The following LANCL2 variants were observed in gnomAD, a reference collection of about 807,000 sequenced individuals.
The protein encoded by LANCL2 is lanC-like protein 2.
A neutral mutation model predicts 56.9 loss-of-function variants in LANCL2; 33 were observed. The ratio of observed to expected loss-of-function variants is 0.58; its 90% CI spans 0.44 to 0.78. The LOEUF (loss-of-function observed/expected upper bound fraction) is 0.78. Among genes scored for constraint, LANCL2 ranks in the 30% least tolerant of loss-of-function variants. The pLI is 0.00. For missense variants in LANCL2, 562 were observed against 580.2 expected (o/e 0.97, Z 0.32); for synonymous variants, 233 against 228.2 (o/e 1.02, Z -0.19).
Position 55,366,165 on chromosome 7 carries a change from C to G in LANCL2, c.140C>G (p.Thr47Arg), listed in dbSNP as rs1364720141. 6.4e-6 allele frequency: 10 copies of G among 1,560,396 alleles called. No individual in the cohort carries two copies. Among genetic ancestry groups the G allele is most frequent in the Non-Finnish European group, 7.8e-6 (9 of 1,151,740 alleles). The change falls in exon 1 of 9, where the codon ACA becomes AGA. Residue 47 changes from threonine (T) to arginine (R), a missense_variant. Coordinates refer to ENST00000254770, the MANE Select transcript of LANCL2 (RefSeq NM_018697.4). ...ALLASGAAEE[T>R]GCVRPPATTD... ...CTCGCCTCCGGAGCGGCCGAAGAGACAGGCTGTGTTCGTCCCCCGGCGACC... is the reference window on the plus strand; with the variant it reads ...CTCGCCTCCGGAGCGGCCGAAGAGAGAGGCTGTGTTCGTCCCCCGGCGACC...
At chr7:55,388,975 G>C (rs1790156479) in intron 1 of LANCL2, among the ~76,000 whole-genome samples, 1 of 152,218 alleles carries the variant, frequency 6.6e-6, no homozygotes, top group African/African-American at 2.4e-5. Flanking sequence ...GGGAAACCTG[G>C]AGGGGGCTGG....
intron 6 of LANCL2, among the ~76,000 whole-genome samples, chr7:55,416,427 C>G (rs890293455): frequency 2.6e-5 from 4 of 152,082 alleles, no homozygotes; most frequent in African/African-American, 9.7e-5. Flanking sequence ...CTGGGGACTA[C>G]AGGCACGTGC....
intron 1 of LANCL2, among the ~76,000 whole-genome samples, chr7:55,373,162 C>G (rs1228926569): frequency 1.3e-5 from 2 of 152,084 alleles, no homozygotes; most frequent in Non-Finnish European, 2.9e-5. Context: ...TCATGATTAC[C>G]AAGGGCTTAC....
intron 2 of LANCL2, among the ~76,000 whole-genome samples, chr7:55,396,702 T>C (rs1790257563): frequency 1.2e-5 from 1 of 80,588 alleles, no homozygotes; most frequent in African/African-American, 5.0e-5. Context: ...CGACAAAGCA[T>C]GATGACCTTT....
chr7:55,428,805 T>C (rs996943087), intron 8 of LANCL2, among the ~76,000 whole-genome samples: 1 of 151,980 alleles, frequency 6.6e-6, no homozygotes, highest in Non-Finnish European at 1.5e-5. Context: ...ATTACTTAAA[T>C]ATATTTAATA....
At chr7:55,407,381 CT>C (rs1477963586) in intron 5 of LANCL2, among the ~76,000 whole-genome samples, 6 of 152,308 alleles carry the variant, frequency 3.9e-5, no homozygotes, top group African/African-American at 1.4e-4. Flanking sequence ...CTTGAAGTCA[CT>C]TTTCCGAAGA....
In LANCL2 at chr7:55,401,071, CCTCT is replaced by C. The variant is rs893514976; in HGVS notation, c.679-96_679-93del. ...AAAGACTTTTAGATTAAGGCTTCTG[CCTCT>C]CTCTCTATATATGTCATATATATAT... On this transcript the variant is annotated intron_variant, in intron 4 of 8. Coordinates refer to ENST00000254770, the MANE Select transcript of LANCL2 (RefSeq NM_018697.4). 29 of 821,120 alleles carry C rather than the reference CCTCT, an allele frequency of 3.5e-5. No individual in the cohort carries two copies. In the South Asian group the frequency reaches 5.5e-4, roughly 16 times the overall value. 50.9% of individuals were successfully genotyped at this position (821,120 alleles called of 1,614,324 possible).
intron 6 of LANCL2, among the ~76,000 whole-genome samples, chr7:55,414,568 T>C (rs759843849): frequency 2.0e-5 from 3 of 152,198 alleles, no homozygotes; most frequent in Non-Finnish European, 4.4e-5. Flanking sequence ...CAAAATTTAT[T>C]TTCCCTCCCT....
chr7:55,414,983 C>CAAAAAAAAAAA (rs372708498), intron 6 of LANCL2, among the ~76,000 whole-genome samples: 1 of 62,172 alleles, frequency 1.6e-5, no homozygotes, highest in Admixed American at 2.5e-4. Flanking sequence ...GACCCTACCT[C>CAAAAAAAAAAA]AAAAAAAAAA....
At chr7:55,391,253 C>T (rs566352852) in intron 1 of LANCL2, among the ~76,000 whole-genome samples, 32 of 151,994 alleles carry the variant, frequency 2.1e-4, no homozygotes, top group African/African-American at 7.7e-4. Flanking sequence ...CTCCTGACCT[C>T]GTGATCCGCC....
intron 5 of LANCL2, among the ~76,000 whole-genome samples, chr7:55,403,116 G>A (rs577036946): frequency 3.3e-4 from 51 of 152,308 alleles, no homozygotes; most frequent in Middle Eastern, 3.4e-3. Context: ...GTAGCGAGCC[G>A]AGATCACGCC....
At chr7:55,431,149 AG>A in intron 8 of LANCL2, 76 bp from the exon 9 acceptor site, 1 of 1,027,438 alleles carries the variant, frequency 9.7e-7, no homozygotes, top group East Asian at 2.6e-5. Context: ...GCCCCTGGTA[AG>A]GGAAATGATT....
At chr7:55,430,784 T>C (rs987431450) in intron 8 of LANCL2, among the ~76,000 whole-genome samples, 9 of 152,206 alleles carry the variant, frequency 5.9e-5, no homozygotes, top group African/African-American at 2.2e-4. Context: ...CACTGCTCAA[T>C]TACTGCAATG....
At chr7:55,411,273 A>T (rs1243020493) in intron 5 of LANCL2, 1 of 152,236 alleles carries the variant, frequency 6.6e-6, no homozygotes, top group African/African-American at 2.4e-5. Context: ...TTTTCCAACT[A>T]TGTTTTTAGT....
intron 1 of LANCL2, among the ~76,000 whole-genome samples, chr7:55,389,205 A>G (rs1039778566): frequency 4.6e-5 from 7 of 152,290 alleles, no homozygotes; most frequent in Middle Eastern, 3.4e-3. Flanking sequence ...AATTCATTCC[A>G]GTTTTTAAAA....
intron 5 of LANCL2, among the ~76,000 whole-genome samples, chr7:55,404,209 T>C (rs1790378045): frequency 6.6e-6 from 1 of 152,192 alleles, no homozygotes; most frequent in Non-Finnish European, 1.5e-5. Context: ...TTCTCTTCCC[T>C]GCCAAGCGCA....
rs1789854023 is a variant in LANCL2 at position 55,365,871 on chromosome 7, G to T, written c.-155G>T. On this transcript the variant is annotated 5_prime_UTR_variant, in exon 1 of 9. Transcript: ENST00000254770. ...TGCGAGCAGCCCGCGACGAGGCAGT[G>T]CACGCTCAGACGCCCCGCTCCTCCC... 1 of 532,662 alleles carries T rather than the reference G, an allele frequency of 1.9e-6. No individual in the cohort carries two copies. The highest frequency in any genetic ancestry group is 3.5e-5 in the East Asian group (1 of 28,632). The allele number at this position is 532,662 out of a possible 1,614,324, so 33.0% of individuals were successfully genotyped here. A position where few individuals can be genotyped will look rare whatever the true frequency, so the allele number is the denominator to read the frequency against.
At chr7:55,403,206 C>G (rs545946770) in intron 5 of LANCL2, among the ~76,000 whole-genome samples, 3 of 152,270 alleles carry the variant, frequency 2.0e-5, no homozygotes, top group Non-Finnish European at 1.5e-5. Context: ...CTCGGGAGGC[C>G]GAGGCTGGCG....
At position 55,365,926 on chromosome 7, in the gene LANCL2, G is replaced by A; in HGVS notation, c.-100G>A. ...GCGCGCGGCCTCGCTCCTCCTAGAGGACGCTCTCTGCGCGGGCCCTCGGAG... is the reference window on the plus strand; with the variant it reads ...GCGCGCGGCCTCGCTCCTCCTAGAGAACGCTCTCTGCGCGGGCCCTCGGAG... On this transcript the variant is annotated 5_prime_UTR_variant, in exon 1 of 9. Coordinates refer to ENST00000254770, the MANE Select transcript of LANCL2 (RefSeq NM_018697.4). 1 of 953,714 alleles carries A rather than the reference G, an allele frequency of 1.0e-6. No homozygotes were observed. Among genetic ancestry groups the A allele is most frequent in the East Asian group, 3.2e-5 (1 of 30,822 alleles). 59.1% of individuals were successfully genotyped at this position (953,714 alleles called of 1,614,324 possible).
Sources: allele counts gnomAD v4.1 joint callset (sites outside exome capture counted in the v4.1 genomes callset), GRCh38; gene constraint gnomAD v4.1.1; transcripts MANE v1.5; gene names NCBI Gene and HGNC (gene_info 2026-07-23, HGNC 2026-07-21).